METTL15: variants seen among roughly 807,000 people sequenced by gnomAD.
METTL15 encodes methyltransferase 15, mitochondrial 12S rRNA N4-cytidine, also known as 12S rRNA N(4)-cytidine methyltransferase METTL15.
A neutral mutation model predicts 38.3 loss-of-function variants in METTL15; 34 were observed. That is an observed-to-expected ratio of 0.89 (90% CI 0.68 to 1.18). The LOEUF (loss-of-function observed/expected upper bound fraction) is 1.18. Ranked by LOEUF, METTL15 falls within the 50% of genes most tolerant of loss-of-function variation. METTL15 has a pLI of 0.00. For synonymous variants in METTL15, 162 were observed against 170.9 expected, an observed-to-expected ratio of 0.95 and a Z score of 0.41; for missense variants, 438 against 498.4, an observed-to-expected ratio of 0.88 and a Z score of 1.15.
At chr11:28,168,722 C>T (rs1389609831) in intron 3 of METTL15, among the ~76,000 whole-genome samples, 1 of 150,608 alleles carries the variant, frequency 6.6e-6, no homozygotes, top group Non-Finnish European at 1.5e-5. Context: ...TTCTCATGTA[C>T]CTGAATTATA....
intron 4 of METTL15, among the ~76,000 whole-genome samples, chr11:28,354,248 C>G (rs1055582001): frequency 2.6e-5 from 4 of 152,168 alleles, no homozygotes; most frequent in African/African-American, 9.6e-5. Flanking sequence ...AACTGGATAA[C>G]AATAGCACTC....
chr11:28,391,975 A>G (rs1352802922), intron 5 of METTL15, among the ~76,000 whole-genome samples: 1 of 152,190 alleles, frequency 6.6e-6, no homozygotes, highest in Non-Finnish European at 1.5e-5. Context: ...GGATCTAATT[A>G]AACTAAAGAG....
chr11:28,182,624 T>C (rs937521523), intron 3 of METTL15, among the ~76,000 whole-genome samples: 11 of 152,150 alleles, frequency 7.2e-5, no homozygotes, highest in African/African-American at 2.7e-4. Context: ...TATATCTGTT[T>C]TGGTAACAGT....
chr11:28,132,877 ATACT>A (rs1484122874), intron 3 of METTL15, among the ~76,000 whole-genome samples: 5 of 152,196 alleles, frequency 3.3e-5, no homozygotes, highest in Admixed American at 6.6e-5. Flanking sequence ...TACTGAATTA[ATACT>A]TACTTACAAA....
intron 6 of METTL15, among the ~76,000 whole-genome samples, chr11:28,473,490 T>C (rs1008936654): frequency 2.5e-4 from 38 of 152,164 alleles, no homozygotes; most frequent in Admixed American, 7.2e-4. Flanking sequence ...CAGAGATCAA[T>C]AGTTGGCAGA....
At chr11:28,492,653 G>A (rs958372498) in intron 6 of METTL15, among the ~76,000 whole-genome samples, 3 of 152,014 alleles carry the variant, frequency 2.0e-5, no homozygotes, top group Non-Finnish European at 4.4e-5. Flanking sequence ...GTCTCTATTT[G>A]TAATTTTTGG....
intron 6 of METTL15, among the ~76,000 whole-genome samples, chr11:28,306,899 T>G (rs1442585019): frequency 2.0e-5 from 3 of 151,978 alleles, no homozygotes; most frequent in Non-Finnish European, 4.4e-5. Flanking sequence ...TTGTATCTTT[T>G]GCTTTGTGGC....
intron 3 of METTL15, among the ~76,000 whole-genome samples, chr11:28,117,833 T>A (rs1301967063): frequency 6.6e-6 from 1 of 152,148 alleles, no homozygotes; most frequent in East Asian, 1.9e-4. Flanking sequence ...AGGTCTTCAT[T>A]TTGTCCATAA....
intron 6 of METTL15, among the ~76,000 whole-genome samples, chr11:28,515,086 T>G (rs1851708362): frequency 6.6e-6 from 1 of 152,206 alleles, no homozygotes; most frequent in Non-Finnish European, 1.5e-5. Flanking sequence ...GTTTTACCAC[T>G]TTTTAATTGA....
chr11:28,461,552 T>C (rs1851214970), intron 6 of METTL15, among the ~76,000 whole-genome samples: 1 of 151,982 alleles, frequency 6.6e-6, no homozygotes, highest in African/African-American at 2.4e-5. Flanking sequence ...TGCATATTTC[T>C]GAAAAGATAG....
intron 6 of METTL15, among the ~76,000 whole-genome samples, chr11:28,516,435 C>G (rs1343762222): frequency 6.6e-6 from 1 of 152,198 alleles, no homozygotes; most frequent in African/African-American, 2.4e-5. Flanking sequence ...AAGTTGTCAG[C>G]AATAAAACTA....
At chr11:28,353,619 A>T (rs1168375257) in intron 4 of METTL15, among the ~76,000 whole-genome samples, 1 of 152,198 alleles carries the variant, frequency 6.6e-6, no homozygotes, top group Non-Finnish European at 1.5e-5. Flanking sequence ...TTTTCCTCAT[A>T]AGTATGTAAG....
intron 6 of METTL15, among the ~76,000 whole-genome samples, chr11:28,454,356 C>G (rs1193542132): frequency 6.6e-6 from 1 of 152,172 alleles, no homozygotes; most frequent in East Asian, 1.9e-4. Context: ...TTATAGAAAA[C>G]AATTGCAAAA....
chr11:28,133,643 G>T (rs79138079), intron 3 of METTL15, among the ~76,000 whole-genome samples: 5,262 of 152,228 alleles, frequency 0.035, 133 homozygotes, highest in Middle Eastern at 0.051. Context: ...CTCAAGGTGG[G>T]ACAGCTACCA....
At chr11:28,381,620 C>A (rs939899764) in intron 5 of METTL15, among the ~76,000 whole-genome samples, 1 of 152,048 alleles carries the variant, frequency 6.6e-6, no homozygotes, top group African/African-American at 2.4e-5. Flanking sequence ...ATTCTTTCCT[C>A]TGCTAGATTC....
At chr11:28,388,678 A>G (rs1850466705) in intron 5 of METTL15, among the ~76,000 whole-genome samples, 1 of 151,962 alleles carries the variant, frequency 6.6e-6, no homozygotes, top group Admixed American at 6.6e-5. Flanking sequence ...TCACAATGAC[A>G]CTTTTCTTTT....
At position 28,263,056 on chromosome 11, in the gene METTL15, A is replaced by G. The variant is rs1031724820; in HGVS notation, c.408-27150A>G. On this transcript the variant is annotated intron_variant, in intron 4 of 6. Transcript: ENST00000407364. Reference sequence around the variant, plus strand: ...TTCCATTTTAATCTCTTAAAAAATGATTTCCAAACGCTTTACTTCACTGAC... The same window carrying G: ...TTCCATTTTAATCTCTTAAAAAATGGTTTCCAAACGCTTTACTTCACTGAC... Among the ~76,000 whole-genome samples, 5 of 152,050 alleles carry G rather than the reference A, an allele frequency of 3.3e-5. No individual in the cohort carries two copies. In the East Asian group the frequency reaches 9.7e-4, roughly 29 times the overall value.
At chr11:28,173,680 A>G (rs959251998) in intron 3 of METTL15, among the ~76,000 whole-genome samples, 3 of 152,152 alleles carry the variant, frequency 2.0e-5, no homozygotes, top group East Asian at 1.9e-4. Context: ...CTTAGCTTTT[A>G]CCTAATGTTC....
Position 28,108,470 on chromosome 11 carries a change from G to T in METTL15, c.-254+18G>T, listed in dbSNP as rs1216746731. On this transcript the variant is annotated intron_variant, in intron 1 of 6. Transcript: ENST00000407364. The stretch of plus-strand genomic sequence containing the variant: ...AGTTAAGGGTGTGAGTGAGACTGCT[G>T]CGGGCAGGGGTTGGCCTATGCCCTC... The T allele has an allele frequency of 2.6e-5, 4 of 152,632 alleles. No homozygotes were observed. Among genetic ancestry groups the T allele is most frequent in the Admixed American group, 6.5e-5 (1 of 15,284 alleles). The allele number at this position is 152,632 out of a possible 1,614,324, so 9.5% of individuals were successfully genotyped here.
Sources: allele counts gnomAD v4.1 joint callset (sites outside exome capture counted in the v4.1 genomes callset), GRCh38; gene constraint gnomAD v4.1.1; transcripts MANE v1.5; gene names NCBI Gene and HGNC (gene_info 2026-07-23, HGNC 2026-07-21).